Variants in FGF2 observed in about 807,000 individuals in gnomAD.
FGF2 encodes basic fibroblast growth factor bFGF.
A neutral mutation model predicts 15.9 loss-of-function variants in FGF2; 13 were observed. The ratio of observed to expected loss-of-function variants is 0.82; its 90% CI spans 0.53 to 1.30. FGF2 has a LOEUF of 1.30. Among genes scored for constraint, FGF2 ranks in the 50% most tolerant of loss-of-function variants. FGF2 has a pLI of 0.00. For synonymous variants in FGF2, 90 were observed against 78.4 expected (o/e 1.15, Z -0.78); for missense variants, 163 against 196.9 (o/e 0.83, Z 1.03).
chr4:122,883,052 G>A (rs1211529293), intron 2 of FGF2: 4 of 152,208 alleles, frequency 2.6e-5, no homozygotes, highest in Non-Finnish European at 1.5e-5. Flanking sequence ...GGATGCAGAT[G>A]TGCCTCGTAA....
chr4:122,846,245 C>T (rs558765151), intron 1 of FGF2, among the ~76,000 whole-genome samples: 9 of 152,244 alleles, frequency 5.9e-5, no homozygotes, highest in Admixed American at 1.3e-4. Flanking sequence ...TTACTGATCA[C>T]AGATCACCAT....
At chr4:122,861,559 TC>T (rs1726466925) in intron 1 of FGF2, among the ~76,000 whole-genome samples, 1 of 151,964 alleles carries the variant, frequency 6.6e-6, no homozygotes, top group Non-Finnish European at 1.5e-5. Context: ...GAATCCTGCT[TC>T]CTTCATGTCT....
Position 122,827,042 on chromosome 4 carries a change from G to A in FGF2, c.-133G>A, listed in dbSNP as rs1240900557. On this transcript the variant is annotated 5_prime_UTR_variant, in exon 1 of 3. Coordinates refer to ENST00000644866, the MANE Select transcript of FGF2 (RefSeq NM_001361665.2). This position sits in a 1 kb window ranked among gnomAD's most constrained non-coding sequence, Gnocchi z 4.2. ...ACCGCGGGCGCGGCCGCGCGCTGCC[G>A]GGCGGGAGGCTGGGGGGCCGGGGCC... 1.5e-5 allele frequency: 17 copies of A among 1,146,178 alleles called. No homozygotes were observed. The highest frequency in any genetic ancestry group is 3.3e-5 in the African/African-American group (2 of 60,954). The allele number at this position is 1,146,178 out of a possible 1,614,324, so 71.0% of individuals were successfully genotyped here. A position where few individuals can be genotyped will look rare whatever the true frequency, so the allele number is the denominator to read the frequency against.
upstream of FGF2, chr4:122,826,787 G>A (rs308400): frequency 3.2e-3 from 4,432 of 1,391,440 alleles, 15 homozygotes; most frequent in Non-Finnish European, 3.8e-3. Flanking sequence ...TGGTGGGTGT[G>A]GGGGGTGGAG....
At chr4:122,856,748 G>A (rs1268308737) in intron 1 of FGF2, among the ~76,000 whole-genome samples, 1 of 152,234 alleles carries the variant, frequency 6.6e-6, no homozygotes, top group East Asian at 1.9e-4. Context: ...TGAAACAGTA[G>A]TACAGTATCA....
chr4:122,876,304 T>A lies in FGF2; in HGVS notation c.179-17T>A. 6.6e-7 allele frequency: 1 copy of A among 1,508,498 alleles called. No homozygotes were observed. Among genetic ancestry groups the A allele is most frequent in the Non-Finnish European group, 9.2e-7 (1 of 1,083,798 alleles). The allele number at this position is 1,508,498 out of a possible 1,614,324, so 93.4% of individuals were successfully genotyped here. A position where few individuals can be genotyped will look rare whatever the true frequency, so the allele number is the denominator to read the frequency against. On this transcript the variant is annotated splice_polypyrimidine_tract_variant and intron_variant, in intron 1 of 2. Coordinates refer to ENST00000644866, the MANE Select transcript of FGF2 (RefSeq NM_001361665.2). ...TCCTCTGTGGTGCTACAAAGATAATTTTTTTTCCCGTTACAGTCAAGCTAC... is the reference window on the plus strand; with the variant it reads ...TCCTCTGTGGTGCTACAAAGATAATATTTTTTCCCGTTACAGTCAAGCTAC...
At chr4:122,831,856 G>A (rs905245190) in intron 1 of FGF2, among the ~76,000 whole-genome samples, 2 of 152,196 alleles carry the variant, frequency 1.3e-5, no homozygotes, top group African/African-American at 4.8e-5. Context: ...GCCATTTTAT[G>A]TGGAAGGACA....
chr4:122,833,201 GTA>G (rs1725799785), intron 1 of FGF2, among the ~76,000 whole-genome samples: 1 of 151,074 alleles, frequency 6.6e-6, no homozygotes, highest in African/African-American at 2.4e-5. Context: ...GTGTGTGTGT[GTA>G]TGTGTGTATT....
intron 1 of FGF2, 128 bp from the exon 2 acceptor site, chr4:122,876,193 A>G: frequency 1.4e-6 from 1 of 713,528 alleles, no homozygotes; most frequent in Admixed American, 2.0e-5. Context: ...CCATACCCCC[A>G]ACCTCACCAA....
intron 1 of FGF2, among the ~76,000 whole-genome samples, chr4:122,861,761 C>T (rs1427365519): frequency 2.0e-5 from 3 of 152,162 alleles, no homozygotes; most frequent in Non-Finnish European, 4.4e-5. Context: ...CCACAACACA[C>T]ACATACATAC....
chr4:122,892,289 A>C lies in FGF2; in HGVS notation c.361A>C (p.Thr121Pro). 1 of 1,613,756 alleles carries C rather than the reference A, an allele frequency of 6.2e-7. No individual in the cohort carries two copies. The highest frequency in any genetic ancestry group is 1.7e-5 in the Admixed American group (1 of 60,024). Reference sequence around the variant, plus strand: ...CAATACTTACCGGTCAAGGAAATACACCAGTTGGTATGTGGCACTGAAACG... The same window carrying C: ...CAATACTTACCGGTCAAGGAAATACCCCAGTTGGTATGTGGCACTGAAACG... The part of the protein sequence containing the change: ...NYNTYRSRKY[T>P]SWYVALKRTG... Residue 121 changes from threonine to proline, a missense_variant, in exon 3 of 3, where the codon ACC becomes CCC. By Grantham distance (38) the Thr-to-Pro change is conservative (BLOSUM62 -1). Transcript: ENST00000644866.
intron 1 of FGF2, among the ~76,000 whole-genome samples, chr4:122,862,417 G>A (rs144318910): frequency 1.1e-3 from 175 of 152,270 alleles, no homozygotes; most frequent in Non-Finnish European, 2.1e-3. Context: ...TTCCAAAATA[G>A]GAGTTCCAAA....
At chr4:122,831,119 A>G (rs1725757674) in intron 1 of FGF2, among the ~76,000 whole-genome samples, 1 of 152,204 alleles carries the variant, frequency 6.6e-6, no homozygotes, top group African/African-American at 2.4e-5. Flanking sequence ...TTTTTACAGA[A>G]GAGGATACTG....
chr4:122,873,630 G>A lies in FGF2; in HGVS notation c.179-2691G>A, dbSNP rs1160823858. 2.6e-5 allele frequency among the ~76,000 whole-genome samples: 4 copies of A among 152,102 alleles called. No individual in the cohort carries two copies. The East Asian group carries it at 7.7e-4, about 29-fold the overall frequency. On this transcript the variant is annotated intron_variant, in intron 1 of 2. Transcript: ENST00000644866. ...TTTGGGAAGAGGTCATCTGTATATC[G>A]AATTTATTTAGGAGATGAAGCAGCT...
intron 2 of FGF2, 46 bp from the exon 3 acceptor site, chr4:122,892,159 TGTAATA>T: frequency 2.2e-6 from 3 of 1,381,662 alleles, no homozygotes; most frequent in Non-Finnish European, 3.1e-6. Context: ...ATATGAAAAG[TGTAATA>T]ATAATAATGA....
intron 1 of FGF2, among the ~76,000 whole-genome samples, chr4:122,829,620 A>G (rs1239818103): frequency 6.6e-6 from 1 of 152,116 alleles, no homozygotes; most frequent in African/African-American, 2.4e-5. Flanking sequence ...TAAGTTCTTT[A>G]GTGGTGATTT....
intron 1 of FGF2, among the ~76,000 whole-genome samples, chr4:122,854,434 A>G (rs1726296846): frequency 6.6e-6 from 1 of 152,234 alleles, no homozygotes; most frequent in Admixed American, 6.5e-5. Flanking sequence ...TTCAAATAGC[A>G]TATTTTAAAG....
chr4:122,894,806 T>C lies in FGF2; in HGVS notation c.*2410T>C, dbSNP rs991519881. 2 of 152,242 alleles carry C rather than the reference T, an allele frequency of 1.3e-5. No individual in the cohort carries two copies. The highest frequency in any genetic ancestry group is 4.8e-5 in the African/African-American group (2 of 41,458). The allele number at this position is 152,242 out of a possible 1,614,324, so 9.4% of individuals were successfully genotyped here. ...AATTTATTATTAAAGATAGTAGCAC[T>C]AGTCTTAAATTTGATATAACATCTC... On this transcript the variant is annotated 3_prime_UTR_variant, in exon 3 of 3. Transcript: ENST00000644866.
At chr4:122,889,193 G>A (rs1047977001) in intron 2 of FGF2, among the ~76,000 whole-genome samples, 3 of 152,074 alleles carry the variant, frequency 2.0e-5, no homozygotes, top group Non-Finnish European at 2.9e-5. Flanking sequence ...TTAAAATATT[G>A]TTGTGACTTT....
Sources: gnomAD v4.1 joint callset for allele counts (sites outside exome capture counted in the v4.1 genomes callset) on GRCh38, gnomAD v4.1.1 for gene constraint, Gnocchi (gnomAD v3.1) non-coding constraint, MANE v1.5 for transcripts, NCBI Gene and HGNC (gene_info 2026-07-23, HGNC 2026-07-21) for gene names.